AFF2: variants seen among roughly 807,000 people sequenced by gnomAD.
The protein encoded by AFF2 is AF4/FMR2 family member 2.
Under a neutral mutation model 76.9 loss-of-function variants are expected in AFF2, and 14 were observed. The ratio of observed to expected loss-of-function variants is 0.18; its 90% confidence interval spans 0.12 to 0.28. The LOEUF (loss-of-function observed/expected upper bound fraction) is 0.28. AFF2 is among the 10% of genes least tolerant of loss of function. The probability of loss-of-function intolerance (pLI) is 1.00; values close to 1 mark genes in which losing one functional copy is unlikely to be tolerated. For synonymous variants in AFF2, 398 were observed against 366.7 expected (o/e 1.09, Z -0.98); for missense variants, 868 against 1,001.1 (o/e 0.87, Z 1.79).
chrX:148,671,770 A>G (rs1355738325), intron 3 of AFF2, among the ~76,000 whole-genome samples: 1 of 105,656 alleles, frequency 9.5e-6, no homozygotes, highest in Non-Finnish European at 1.9e-5. Flanking sequence ...CTTATATTTC[A>G]CCTTTTTTTT....
chrX:148,699,700 G>A (rs1557261648), intron 3 of AFF2, among the ~76,000 whole-genome samples: 3 of 111,378 alleles, frequency 2.7e-5, no homozygotes. Flanking sequence ...TTGGTCCTTA[G>A]ATAAGCTGCC....
At chrX:148,974,728 C>G (rs1354156918) in intron 16 of AFF2, among the ~76,000 whole-genome samples, 1 of 112,107 alleles carries the variant, frequency 8.9e-6, no homozygotes, top group African/African-American at 3.2e-5. Context: ...CCTGCTGAGC[C>G]AATCAGCCAT....
intron 1 of AFF2, among the ~76,000 whole-genome samples, chrX:148,509,749 A>C (rs1265728619): frequency 8.9e-6 from 1 of 112,124 alleles, no homozygotes; most frequent in Non-Finnish European, 1.9e-5. Flanking sequence ...GGTGTGTACC[A>C]ACATTTTACC....
intron 3 of AFF2, among the ~76,000 whole-genome samples, chrX:148,683,935 C>T (rs2124493372): frequency 9.0e-6 from 1 of 111,722 alleles, no homozygotes; most frequent in Admixed American, 9.5e-5. Context: ...CATTGCCCAA[C>T]AGAAAGTTAC....
At chrX:148,849,784 G>A (rs1557275148) in intron 7 of AFF2, among the ~76,000 whole-genome samples, 1 of 111,633 alleles carries the variant, frequency 9.0e-6, no homozygotes, top group Non-Finnish European at 1.9e-5. Context: ...AACAAAGAGG[G>A]AGGCAGAACA....
chrX:148,622,669 A>G (rs888597864), intron 1 of AFF2, among the ~76,000 whole-genome samples: 4 of 111,577 alleles, frequency 3.6e-5, no homozygotes, highest in East Asian at 5.7e-4. Context: ...CTCAGTTTCT[A>G]TGCTCAAGAG....
chrX:148,867,518 A>T (rs1603321926), intron 7 of AFF2, among the ~76,000 whole-genome samples: 1 of 112,764 alleles, frequency 8.9e-6, no homozygotes, highest in Non-Finnish European at 1.9e-5. Flanking sequence ...ACTGAGCAGA[A>T]TAAAGCCCAT....
In AFF2 at chrX:148,997,949, A is replaced by G. The variant is rs2072625260; in HGVS notation, c.*6617A>G. On this transcript the variant is annotated 3_prime_UTR_variant, in exon 21 of 21. Coordinates refer to ENST00000370460, the MANE Select transcript of AFF2 (RefSeq NM_002025.4). ...GATTCTACTTACTGGATATTTTAGA[A>G]AGAGAAATGTCTGAGATAAAATCCC... The G allele has an allele frequency of 8.9e-6, 1 of 112,777 alleles. No individual in the cohort carries two copies. The highest frequency in any genetic ancestry group is 3.2e-5 in the African/African-American group (1 of 31,053). 9.3% of individuals were successfully genotyped at this position (112,777 alleles called of 1,213,427 possible).
intron 1 of AFF2, among the ~76,000 whole-genome samples, chrX:148,530,612 C>A (rs2052718894): frequency 9.2e-6 from 1 of 108,449 alleles, no homozygotes; most frequent in Non-Finnish European, 1.9e-5. Flanking sequence ...TTCTTGCTTG[C>A]AATGTCTTAT....
intron 9 of AFF2, among the ~76,000 whole-genome samples, chrX:148,915,288 A>C (rs1000895269): frequency 8.9e-6 from 1 of 112,567 alleles, no homozygotes. Context: ...ACATGTGTTT[A>C]TATACTCTAT....
chrX:148,593,455 A>C (rs1214365504), intron 1 of AFF2, among the ~76,000 whole-genome samples: 1 of 112,020 alleles, frequency 8.9e-6, no homozygotes, highest in Non-Finnish European at 1.9e-5. Context: ...CTGAACAGTT[A>C]AGTCAGAATC....
intron 7 of AFF2, among the ~76,000 whole-genome samples, chrX:148,852,931 A>G (rs781974189): frequency 1.8e-5 from 2 of 111,402 alleles, no homozygotes; most frequent in South Asian, 7.6e-4. Flanking sequence ...TAGGCTCATA[A>G]TGTCTCTGAG....
chrX:148,929,570 G>A (rs782574001), intron 9 of AFF2, among the ~76,000 whole-genome samples: 1 of 111,680 alleles, frequency 9.0e-6, no homozygotes, highest in South Asian at 3.7e-4. Context: ...TCTTGTCATC[G>A]GTCTATGTAG....
At position 148,973,532 on chromosome X, in the gene AFF2, G is replaced by T; in HGVS notation, c.3329G>T (p.Gly1110Val). 8.3e-7 allele frequency: 1 copy of T among 1,211,395 alleles called. No individual in the cohort carries two copies. The stretch of plus-strand genomic sequence containing the variant: ...GCCGCCCTCTCCTTCACTGAATGTG[G>T]CAATGCCATGGAACGCGACCCTCTG... Reference protein sequence around the residue: ...ADAALSFTECGNAMERDPLEA... With the variant: ...ADAALSFTECVNAMERDPLEA... The change falls in exon 16 of 21, where the codon GGC becomes GTC. Residue 1110 changes from glycine (G) to valine (V), a missense_variant. Around this residue, in one of 6 missense-constraint regions of AFF2, gnomAD observed 57 missense variants for 117.8 expected, o/e 0.48. Coordinates refer to ENST00000370460, the MANE Select transcript of AFF2 (RefSeq NM_002025.4).
At chrX:148,534,443 A>C (rs782791057) in intron 1 of AFF2, among the ~76,000 whole-genome samples, 24 of 113,112 alleles carry the variant, frequency 2.1e-4, no homozygotes, top group African/African-American at 7.7e-4. Flanking sequence ...GGCATTTAAA[A>C]GTTGGCATCA....
intron 3 of AFF2, among the ~76,000 whole-genome samples, chrX:148,761,916 A>G (rs2069447718): frequency 9.1e-6 from 1 of 109,678 alleles, no homozygotes; most frequent in Non-Finnish European, 1.9e-5. Context: ...AATGAACCTC[A>G]CTATATATAT....
At chrX:148,643,324 T>C (rs2054108460) in intron 1 of AFF2, among the ~76,000 whole-genome samples, 2 of 111,934 alleles carry the variant, frequency 1.8e-5, no homozygotes, top group Admixed American at 9.5e-5. Flanking sequence ...TCCGATTACA[T>C]ATTTGCTTGG....
At chrX:148,627,938 G>A (rs2053943025) in intron 1 of AFF2, among the ~76,000 whole-genome samples, 1 of 111,404 alleles carries the variant, frequency 9.0e-6, no homozygotes, top group South Asian at 3.8e-4. Flanking sequence ...TTTGTGTAGA[G>A]CACCCTTCAA....
chrX:148,567,071 T>A (rs782520625), intron 1 of AFF2, among the ~76,000 whole-genome samples: 1 of 112,133 alleles, frequency 8.9e-6, no homozygotes, highest in African/African-American at 3.2e-5. Flanking sequence ...TGCTTAACCT[T>A]GTGGCTGGCA....
Sources: gnomAD v4.1 joint callset for allele counts (sites outside exome capture counted in the v4.1 genomes callset) on GRCh38, gnomAD v4.1.1 for gene constraint, gnomAD v4.1.1 regional missense constraint, MANE v1.5 for transcripts, NCBI Gene and HGNC (gene_info 2026-07-23, HGNC 2026-07-21) for gene names.